DAB1: variants seen among roughly 807,000 people sequenced by gnomAD.
DAB1 encodes the protein disabled homolog 1.
In DAB1, 15 loss-of-function variants were observed where a neutral mutation model predicts 64.6. That is an observed-to-expected ratio of 0.23 (90% CI 0.16 to 0.36). The LOEUF is 0.36. Among genes scored for constraint, DAB1 ranks in the 10% least tolerant of loss-of-function variants. The probability of loss-of-function intolerance (pLI) is 1.00; values close to 1 mark genes in which losing one functional copy is unlikely to be tolerated. For synonymous variants in DAB1, 235 were observed against 251.9 expected (o/e 0.93, Z 0.64); for missense variants, 596 against 706.7 (o/e 0.84, Z 1.78).
At chr1:58,350,656 A>G (rs550228693) in intron 3 of DAB1, among the ~76,000 whole-genome samples, 2 of 152,254 alleles carry the variant, frequency 1.3e-5, no homozygotes, top group Non-Finnish European at 2.9e-5. Context: ...GAAGGGGTAC[A>G]GTTTCTGTTT....
At chr1:57,831,061 C>T (rs1652562451) in intron 1 of DAB1, among the ~76,000 whole-genome samples, 1 of 152,116 alleles carries the variant, frequency 6.6e-6, no homozygotes, top group African/African-American at 2.4e-5. Flanking sequence ...CTACAGGCGC[C>T]CGCCACCATG....
intron 9 of DAB1, chr1:57,033,717 C>T (rs1269576937): frequency 1.3e-6 from 1 of 775,242 alleles, no homozygotes; most frequent in Non-Finnish European, 2.2e-6. Flanking sequence ...CTGTGAAAAT[C>T]TTGGAATATG....
intron 4 of DAB1, among the ~76,000 whole-genome samples, chr1:57,105,851 C>T (rs1290373273): frequency 2.0e-5 from 3 of 152,028 alleles, no homozygotes; most frequent in African/African-American, 7.2e-5. Context: ...TTAGGGCATA[C>T]ATGGGGTTTG....
At chr1:57,839,676 A>C (rs2101913860) in intron 1 of DAB1, among the ~76,000 whole-genome samples, 1 of 152,302 alleles carries the variant, frequency 6.6e-6, no homozygotes, top group East Asian at 1.9e-4. Context: ...TGCTTTGCAA[A>C]GATTAAATCA....
chr1:58,145,536 A>C (rs915862724), intron 5 of DAB1, among the ~76,000 whole-genome samples: 1 of 152,232 alleles, frequency 6.6e-6, no homozygotes, highest in Non-Finnish European at 1.5e-5. Context: ...TGTTAAGTTA[A>C]TACTGGCATC....
chr1:57,434,765 G>C (rs1685628614), intron 7 of DAB1, among the ~76,000 whole-genome samples: 1 of 152,106 alleles, frequency 6.6e-6, no homozygotes, highest in Non-Finnish European at 1.5e-5. Context: ...ATTGAATACT[G>C]TAGGCAATTA....
At chr1:57,544,192 T>C (rs968668372) in intron 7 of DAB1, among the ~76,000 whole-genome samples, 3 of 152,206 alleles carry the variant, frequency 2.0e-5, no homozygotes, top group Non-Finnish European at 2.9e-5. Flanking sequence ...TATGCATTTA[T>C]GTCTGACATA....
intron 4 of DAB1, among the ~76,000 whole-genome samples, chr1:57,116,392 G>A (rs536270902): frequency 1.4e-5 from 2 of 144,118 alleles, no homozygotes; most frequent in East Asian, 4.1e-4. Context: ...AACCCGGGAG[G>A]TGGAGATTGC....
intron 5 of DAB1, among the ~76,000 whole-genome samples, chr1:58,036,067 A>G: frequency 6.6e-6 from 1 of 152,186 alleles, no homozygotes; most frequent in Non-Finnish European, 1.5e-5. Flanking sequence ...AAAAGTCACT[A>G]ACAGGATAGC....
chr1:57,932,581 G>C (rs1386207264), intron 5 of DAB1, among the ~76,000 whole-genome samples: 2 of 151,714 alleles, frequency 1.3e-5, no homozygotes, highest in African/African-American at 4.8e-5. Flanking sequence ...TCTATTTGAA[G>C]TTCTATCAGT....
chr1:58,307,824 G>A (rs1165300569), intron 4 of DAB1, among the ~76,000 whole-genome samples: 3 of 151,982 alleles, frequency 2.0e-5, no homozygotes, highest in Non-Finnish European at 2.9e-5. Flanking sequence ...ACCCAGGAAA[G>A]GGGGCCAGGA....
chr1:57,207,054 C>T (rs944251056), intron 2 of DAB1, among the ~76,000 whole-genome samples: 11 of 147,294 alleles, frequency 7.5e-5, no homozygotes, highest in South Asian at 4.3e-4. Flanking sequence ...CTGCAACCTC[C>T]GCCTCCCAGG....
chr1:57,359,124 G>A (rs1231936306), intron 1 of DAB1, among the ~76,000 whole-genome samples: 6 of 151,970 alleles, frequency 3.9e-5, no homozygotes, highest in Admixed American at 6.6e-5. Context: ...CTGCTGCACA[G>A]CAAACAAACC....
In DAB1 at chr1:57,772,495, G is replaced by A. The variant is rs117885599; in HGVS notation, n.551+111504C>T. ...AAGCTGCTGTGAACATTCATGTGCA[G>A]CTCTATGTAAAGATATATGTTTTTA... On this transcript the variant is annotated intron_variant and non_coding_transcript_variant, in intron 6 of 20. Coordinates refer to the DAB1 transcript ENST00000485760. Among the ~76,000 whole-genome samples the A allele has an allele frequency of 8.5e-5, 13 of 152,226 alleles. No homozygotes were observed. In the East Asian group the frequency reaches 2.5e-3, roughly 29 times the overall value.
chr1:57,847,301 A>G (rs572241547), intron 1 of DAB1, among the ~76,000 whole-genome samples: 3 of 152,260 alleles, frequency 2.0e-5, no homozygotes, highest in Admixed American at 6.5e-5. Context: ...CTACAAAGAT[A>G]AGATAGCCTA....
intron 2 of DAB1, among the ~76,000 whole-genome samples, chr1:57,183,342 T>C (rs140427504): frequency 6.6e-6 from 1 of 152,100 alleles, no homozygotes. Context: ...CAAAACCCTG[T>C]AGAGATGGAG....
chr1:57,478,423 G>C (rs959478931), intron 7 of DAB1, among the ~76,000 whole-genome samples: 3 of 151,894 alleles, frequency 2.0e-5, no homozygotes, highest in African/African-American at 7.3e-5. Flanking sequence ...TTGTGGCAAG[G>C]ACTATTTGGA....
chr1:57,674,292 T>C (rs750792212), intron 6 of DAB1, among the ~76,000 whole-genome samples: 2 of 152,144 alleles, frequency 1.3e-5, no homozygotes, highest in Non-Finnish European at 2.9e-5. Context: ...AGAAGAGATA[T>C]TGTGAGATAT....
chr1:57,489,164 A>G lies in DAB1; in HGVS notation n.625+160428T>C, dbSNP rs76001031. 4.1e-3 allele frequency among the ~76,000 whole-genome samples: 621 copies of G among 152,304 alleles called. 2 individuals carry two copies. Among genetic ancestry groups the G allele is most frequent in the African/African-American group, 0.014 (593 of 41,554 alleles). On this transcript the variant is annotated intron_variant and non_coding_transcript_variant, in intron 7 of 20. Coordinates refer to the DAB1 transcript ENST00000485760. ...TTGCCACTCCATCATTGCTTACTTTATTTCTAGGGCATTATTGGGAAGAAG... is the reference window on the plus strand; with the variant it reads ...TTGCCACTCCATCATTGCTTACTTTGTTTCTAGGGCATTATTGGGAAGAAG...
Sources: gnomAD v4.1 joint callset for allele counts (sites outside exome capture counted in the v4.1 genomes callset) on GRCh38, gnomAD v4.1.1 for gene constraint, MANE v1.5 for transcripts, NCBI Gene and HGNC (gene_info 2026-07-23, HGNC 2026-07-21) for gene names.